TIAM1: variants seen among roughly 807,000 people sequenced by gnomAD.
The protein encoded by TIAM1 is TIAM Rac1 associated GEF 1, also known as rho guanine nucleotide exchange factor TIAM1.
TIAM1 carries 65 observed loss-of-function variants against 163.5 expected under a neutral mutation model. The observed-to-expected ratio is 0.40, with a 90% CI of 0.33 to 0.49. The LOEUF is 0.49. Ranked by LOEUF, TIAM1 falls within the 20% of genes least tolerant of loss-of-function variation. The probability of loss-of-function intolerance (pLI) is 0.77; values close to 1 mark genes in which losing one functional copy is unlikely to be tolerated. For missense variants in TIAM1, 1,789 were observed against 2,044.7 expected (o/e 0.87, Z 2.41); for synonymous variants, 833 against 810.1 (o/e 1.03, Z -0.48).
At chr21:31,388,332 G>A (rs1163260225) in intron 2 of TIAM1, among the ~76,000 whole-genome samples, 1 of 151,384 alleles carries the variant, frequency 6.6e-6, no homozygotes, top group African/African-American at 2.4e-5. Flanking sequence ...AAGATGCAGG[G>A]GACAGGGTGG....
At chr21:31,246,585 C>A (rs1416975652) in intron 5 of TIAM1, among the ~76,000 whole-genome samples, 1 of 152,208 alleles carries the variant, frequency 6.6e-6, no homozygotes, top group African/African-American at 2.4e-5. Flanking sequence ...AAGTGCCACA[C>A]TTCCTGTGAA....
rs1209592003 is a variant in TIAM1 at position 31,462,747 on chromosome 21, T to G, written c.-369+1236A>C. The stretch of plus-strand genomic sequence containing the variant: ...AACCCCACTTTTTTGTTTTTTTTTT[T>G]TGTTTTTTTTTTTGAGACCAAGTCT... On this transcript the variant is annotated intron_variant, in intron 2 of 28. Coordinates refer to the TIAM1 transcript ENST00000286827. 4.2e-5 allele frequency among the ~76,000 whole-genome samples: 3 copies of G among 71,526 alleles called. No individual in the cohort carries two copies. The South Asian group carries it at 1.9e-3, about 46-fold the overall frequency. The allele number at this position is 71,526 out of a possible 152,430, so 46.9% of individuals were successfully genotyped here. A position where few individuals can be genotyped will look rare whatever the true frequency, so the allele number is the denominator to read the frequency against.
intron 12 of TIAM1, among the ~76,000 whole-genome samples, chr21:31,199,029 G>A (rs1338437567): frequency 6.6e-6 from 1 of 152,234 alleles, no homozygotes; most frequent in Admixed American, 6.5e-5. Flanking sequence ...TGCACTTAAT[G>A]ATGAAATAGC....
intron 2 of TIAM1, among the ~76,000 whole-genome samples, chr21:31,317,603 A>C (rs117783458): frequency 0.019 from 2,959 of 152,334 alleles, 46 homozygotes; most frequent in Middle Eastern, 0.051. Flanking sequence ...AACACAGTGA[A>C]ACCCAGTCTC....
chr21:31,210,753 A>AAG (rs2086817893), intron 10 of TIAM1, among the ~76,000 whole-genome samples: 2 of 73,300 alleles, frequency 2.7e-5, no homozygotes, highest in African/African-American at 1.1e-4. Context: ...GAAGGGAGAA[A>AAG]GAAAGAAAGA....
rs141159375 is a variant in TIAM1 at position 31,272,183 on chromosome 21, G to A, written c.-12+4549C>T. Among the ~76,000 whole-genome samples, 12 of 152,214 alleles carry A rather than the reference G, an allele frequency of 7.9e-5. No homozygotes were observed. The East Asian group carries it at 2.3e-3, about 29-fold the overall frequency. ...AGCGTATTTTAAGTATTGAATGTTT[G>A]TTGAATATTTATTTATAATAAGTGT... is the stretch of plus-strand genomic sequence containing the variant. On this transcript the variant is annotated intron_variant, in intron 3 of 27. Transcript: ENST00000541036.
intron 4 of TIAM1, among the ~76,000 whole-genome samples, chr21:31,254,697 CT>C (rs150783650): frequency 0.029 from 4,471 of 152,196 alleles, 209 homozygotes; most frequent in African/African-American, 0.1. Context: ...GAGAGAGACC[CT>C]GTCTCAAAAC....
At chr21:31,400,798 A>C (rs2077151692) in intron 2 of TIAM1, among the ~76,000 whole-genome samples, 1 of 152,066 alleles carries the variant, frequency 6.6e-6, no homozygotes, top group Non-Finnish European at 1.5e-5. Flanking sequence ...TGACTATTAA[A>C]GTGGAATCCC....
At chr21:31,459,530 T>A (rs1340540283) in intron 2 of TIAM1, among the ~76,000 whole-genome samples, 1 of 152,156 alleles carries the variant, frequency 6.6e-6, no homozygotes, top group Non-Finnish European at 1.5e-5. Context: ...AAAAGCTATT[T>A]CAAAAGAAGA....
chr21:31,492,825 G>A (rs1213022983), intron 1 of TIAM1, among the ~76,000 whole-genome samples: 1 of 124,620 alleles, frequency 8.0e-6, no homozygotes, highest in Non-Finnish European at 1.8e-5. Flanking sequence ...ACACACACAC[G>A]TTAAGTGAAA....
At chr21:31,199,808 G>A (rs1482152826) in intron 12 of TIAM1, among the ~76,000 whole-genome samples, 1 of 151,414 alleles carries the variant, frequency 6.6e-6, no homozygotes, top group Non-Finnish European at 1.5e-5. Context: ...GGGATTACAG[G>A]CGTGAGCCAC....
intron 8 of TIAM1, 108 bp downstream of exon 8, chr21:31,223,298 C>A: frequency 2.4e-6 from 3 of 1,237,902 alleles, no homozygotes; most frequent in African/African-American, 1.5e-5. Flanking sequence ...TTCAGAAATC[C>A]ATACACAGCA....
At chr21:31,391,453 C>T (rs55654307) in intron 2 of TIAM1, among the ~76,000 whole-genome samples, 1 of 152,066 alleles carries the variant, frequency 6.6e-6, no homozygotes, top group Non-Finnish European at 1.5e-5. Flanking sequence ...GGCAAAACCC[C>T]GGCTCTACTA....
At chr21:31,419,053 C>A (rs946925877) in intron 2 of TIAM1, among the ~76,000 whole-genome samples, 1 of 152,150 alleles carries the variant, frequency 6.6e-6, no homozygotes, top group African/African-American at 2.4e-5. Flanking sequence ...TGGCCAGTGA[C>A]CCTCCTGAAG....
intron 16 of TIAM1, chr21:31,160,643 A>G (rs1380407725): frequency 5.0e-6 from 2 of 396,742 alleles, no homozygotes; most frequent in Non-Finnish European, 8.9e-6. Context: ...AGCTCTGAAG[A>G]GAGCATCCTC....
chr21:31,470,875 G>C (rs529111362), intron 1 of TIAM1, among the ~76,000 whole-genome samples: 1 of 152,168 alleles, frequency 6.6e-6, no homozygotes, highest in African/African-American at 2.4e-5. Context: ...CTCTTCCCTT[G>C]CCAAGGGGAG....
chr21:31,289,663 A>G (rs892342952), intron 2 of TIAM1, among the ~76,000 whole-genome samples: 1 of 152,220 alleles, frequency 6.6e-6, no homozygotes, highest in Admixed American at 6.5e-5. Context: ...TTTGTTATGT[A>G]GAAGAAAACA....
intron 2 of TIAM1, among the ~76,000 whole-genome samples, chr21:31,455,065 G>C (rs1183287473): frequency 1.3e-5 from 2 of 152,030 alleles, no homozygotes; most frequent in Non-Finnish European, 2.9e-5. Flanking sequence ...TAGATCACCT[G>C]AGGTCAGGAG....
chr21:31,464,969 C>T (rs563169303), intron 1 of TIAM1, among the ~76,000 whole-genome samples: 79 of 151,978 alleles, frequency 5.2e-4, no homozygotes, highest in Non-Finnish European at 5.0e-4. Flanking sequence ...GAGATGGCAC[C>T]GCCGCACTCC....
Sources: gnomAD v4.1 joint callset for allele counts (sites outside exome capture counted in the v4.1 genomes callset) on GRCh38, gnomAD v4.1.1 for gene constraint, MANE v1.5 for transcripts, NCBI Gene and HGNC (gene_info 2026-07-23, HGNC 2026-07-21) for gene names.